PEAK1: variants seen among roughly 807,000 people sequenced by gnomAD.
PEAK1 encodes pseudopodium enriched atypical kinase 1.
Under a neutral mutation model 124.7 loss-of-function variants are expected in PEAK1, and 54 were observed. That is an observed-to-expected ratio of 0.43 (90% confidence interval 0.35 to 0.54). The LOEUF (loss-of-function observed/expected upper bound fraction) is 0.54. PEAK1 is among the 20% of genes least tolerant of loss of function. The pLI, the probability that PEAK1 is intolerant of heterozygous loss-of-function variation, is 0.01. For missense variants in PEAK1, 2,046 were observed against 2,134.5 expected (o/e 0.96, Z 0.82); for synonymous variants, 719 against 760.0 (o/e 0.95, Z 0.89).
intron 6 of PEAK1, among the ~76,000 whole-genome samples, chr15:77,226,073 A>ATATAT (rs2059655523): frequency 2.2e-5 from 3 of 137,140 alleles, no homozygotes; most frequent in African/African-American, 8.2e-5. Flanking sequence ...ATATATATAT[A>ATATAT]TATATATATA....
chr15:77,341,007 G>A (rs1441493593), intron 2 of PEAK1, among the ~76,000 whole-genome samples: 11 of 151,178 alleles, frequency 7.3e-5, no homozygotes, highest in African/African-American at 2.7e-4. Context: ...CTGGACTGTG[G>A]TGGCACAATC....
intron 1 of PEAK1, among the ~76,000 whole-genome samples, chr15:77,411,032 G>A (rs1390578505): frequency 6.6e-6 from 1 of 152,046 alleles, no homozygotes; most frequent in Non-Finnish European, 1.5e-5. Context: ...TAAAACTTTG[G>A]TTTACCAGGC....
chr15:77,308,738 G>A (rs2064250383), intron 2 of PEAK1, among the ~76,000 whole-genome samples: 1 of 152,000 alleles, frequency 6.6e-6, no homozygotes, highest in Non-Finnish European at 1.5e-5. Context: ...GGTACCACAG[G>A]CATCACCCCT....
At chr15:77,174,181 A>T (rs1444867883) in intron 7 of PEAK1, among the ~76,000 whole-genome samples, 1 of 152,196 alleles carries the variant, frequency 6.6e-6, no homozygotes, top group African/African-American at 2.4e-5. Flanking sequence ...CTAAACAGTT[A>T]AATAAATGAA....
chr15:77,419,119 A>T, intron 1 of PEAK1: 2 of 985,400 alleles, frequency 2.0e-6, no homozygotes, highest in Non-Finnish European at 2.4e-6. Flanking sequence ...CAATAACTCC[A>T]TTCCACAGCT....
intron 2 of PEAK1, among the ~76,000 whole-genome samples, chr15:77,325,405 C>A (rs1412131126): frequency 8.2e-6 from 1 of 122,202 alleles, no homozygotes; most frequent in Non-Finnish European, 1.7e-5. Flanking sequence ...AAGATCCCAT[C>A]TCAATAAATA....
At chr15:77,235,779 G>C (rs1371077654) in intron 6 of PEAK1, among the ~76,000 whole-genome samples, 3 of 152,216 alleles carry the variant, frequency 2.0e-5, no homozygotes, top group Non-Finnish European at 4.4e-5. Flanking sequence ...AAATGGTTTT[G>C]TGGGCTGGGC....
At chr15:77,185,039 C>T (rs887647208) in intron 6 of PEAK1, among the ~76,000 whole-genome samples, 3 of 152,128 alleles carry the variant, frequency 2.0e-5, no homozygotes, top group Non-Finnish European at 4.4e-5. Flanking sequence ...CTGACATAGG[C>T]AAACTAAGAT....
At chr15:77,173,460 G>A (rs547407416) in intron 7 of PEAK1, among the ~76,000 whole-genome samples, 4 of 152,134 alleles carry the variant, frequency 2.6e-5, no homozygotes, top group African/African-American at 4.8e-5. Flanking sequence ...TTTTTGTGGT[G>A]AGAACATTTA....
At chr15:77,333,206 A>C in intron 2 of PEAK1, 1 of 916,076 alleles carries the variant, frequency 1.1e-6, no homozygotes, top group Non-Finnish European at 1.3e-6. Context: ...GCTGGTCTTG[A>C]ACTCCTAGGC....
chr15:77,164,933 C>T (rs1253082910), intron 7 of PEAK1, among the ~76,000 whole-genome samples: 3 of 150,498 alleles, frequency 2.0e-5, no homozygotes, highest in African/African-American at 4.9e-5. Flanking sequence ...GACGGAGTCT[C>T]GCTCTTGTCG....
Position 77,361,760 on chromosome 15 carries a change from G to C in PEAK1, c.-603+3403C>G, listed in dbSNP as rs142071842. Among the ~76,000 whole-genome samples the C allele has an allele frequency of 4.8e-3, 729 of 152,226 alleles. 4 individuals are homozygous for C. The highest frequency in any genetic ancestry group is 0.016 in the African/African-American group (676 of 41,544). On this transcript the variant is annotated intron_variant, in intron 2 of 9. Transcript: ENST00000682557. ...AAGACAAGACTATCATTATATCAAA[G>C]AGACATTTGCACCTCCGTGTTTACT...
At chr15:77,214,497 G>A (rs932651362) in intron 6 of PEAK1, among the ~76,000 whole-genome samples, 6 of 151,240 alleles carry the variant, frequency 4.0e-5, no homozygotes, top group South Asian at 4.2e-4. Context: ...GGTGGCGGGC[G>A]CCTGTAGTCC....
intron 2 of PEAK1, chr15:77,355,719 G>A: frequency 1.0e-6 from 1 of 971,354 alleles, no homozygotes. Context: ...TCCATTTTGG[G>A]GGGTCCAGAT....
At chr15:77,207,766 T>C (rs112928999) in intron 6 of PEAK1, among the ~76,000 whole-genome samples, 11 of 152,178 alleles carry the variant, frequency 7.2e-5, no homozygotes, top group Non-Finnish European at 1.0e-4. Context: ...CATTACACAG[T>C]TGTCATTATA....
At chr15:77,117,025 T>C (rs1372991860) in intron 9 of PEAK1, among the ~76,000 whole-genome samples, 1 of 152,226 alleles carries the variant, frequency 6.6e-6, no homozygotes, top group African/African-American at 2.4e-5. Context: ...CACATTTAAG[T>C]GTTACCAGGT....
intron 6 of PEAK1, among the ~76,000 whole-genome samples, chr15:77,199,746 A>G (rs2152843612): frequency 6.6e-6 from 1 of 152,262 alleles, no homozygotes; most frequent in East Asian, 1.9e-4. Context: ...ACATCAGAAG[A>G]ATTTACGGAA....
intron 8 of PEAK1, among the ~76,000 whole-genome samples, chr15:77,139,015 A>T (rs2053564513): frequency 6.6e-6 from 1 of 152,160 alleles, no homozygotes; most frequent in Admixed American, 6.5e-5. Flanking sequence ...TGTGAATGTG[A>T]CCTTATTTGG....
intron 5 of PEAK1, among the ~76,000 whole-genome samples, chr15:77,256,409 T>TAA (rs569192028): frequency 2.8e-5 from 4 of 143,096 alleles, no homozygotes; most frequent in East Asian, 4.0e-4. Flanking sequence ...TAGTTTCAGG[T>TAA]AAAAAAAAAA....
Sources: allele counts gnomAD v4.1 joint callset (sites outside exome capture counted in the v4.1 genomes callset), GRCh38; gene constraint gnomAD v4.1.1; transcripts MANE v1.5; gene names NCBI Gene and HGNC (gene_info 2026-07-23, HGNC 2026-07-21).